Variants in MRPS35 observed in about 807,000 individuals in gnomAD.
MRPS35 encodes the protein mitochondrial ribosomal protein S35.
Under a neutral mutation model 32.7 loss-of-function variants are expected in MRPS35, and 29 were observed. The ratio of observed to expected loss-of-function variants is 0.89; its 90% CI spans 0.66 to 1.21. MRPS35 has a LOEUF of 1.21. Ranked by LOEUF, MRPS35 falls within the 50% of genes most tolerant of loss-of-function variation. MRPS35 has a pLI of 0.00. For missense variants in MRPS35, 373 were observed against 383.8 expected, an observed-to-expected ratio of 0.97 and a Z score of 0.23; for synonymous variants, 148 against 139.3, an observed-to-expected ratio of 1.06 and a Z score of -0.44.
intron 5 of MRPS35, among the ~76,000 whole-genome samples, chr12:27,731,962 T>C (rs867870473): frequency 2.6e-5 from 4 of 152,316 alleles, no homozygotes; most frequent in Middle Eastern, 6.8e-3. Flanking sequence ...AGTTCTTAGA[T>C]TGAAGCTGTT....
chr12:27,720,824 CCTT>C (rs1358260331), intron 4 of MRPS35, among the ~76,000 whole-genome samples: 30 of 152,144 alleles, frequency 2.0e-4, no homozygotes, highest in African/African-American at 5.3e-4. Flanking sequence ...TTCTCCTTCT[CCTT>C]CTTTCTACAT....
chr12:27,718,393 A>T (rs951046828), intron 3 of MRPS35, among the ~76,000 whole-genome samples: 2 of 152,168 alleles, frequency 1.3e-5, no homozygotes, highest in South Asian at 2.1e-4. Flanking sequence ...TGCCACTGCG[A>T]CAGAGCAAGA....
chr12:27,726,352 A>C (rs147550248), intron 5 of MRPS35, among the ~76,000 whole-genome samples: 64 of 152,182 alleles, frequency 4.2e-4, no homozygotes, highest in African/African-American at 1.5e-3. Flanking sequence ...ATTGCCAAAT[A>C]TTTTATTTTA....
intron 7 of MRPS35, among the ~76,000 whole-genome samples, chr12:27,739,473 GAA>G (rs1000265670): frequency 6.6e-6 from 1 of 152,124 alleles, no homozygotes; most frequent in African/African-American, 2.4e-5. Flanking sequence ...GAAAGTGAAA[GAA>G]AAAAACTTGG....
chr12:27,744,254 T>C (rs1471701654), intron 7 of MRPS35, among the ~76,000 whole-genome samples: 2 of 152,152 alleles, frequency 1.3e-5, no homozygotes, highest in African/African-American at 4.8e-5. Context: ...AGTTTGTACT[T>C]CAAACTATCT....
chr12:27,713,550 G>A (rs1201783102), intron 1 of MRPS35, among the ~76,000 whole-genome samples: 1 of 152,188 alleles, frequency 6.6e-6, no homozygotes, highest in Non-Finnish European at 1.5e-5. Flanking sequence ...TCCAAGGGCA[G>A]GGGAAGAGTG....
chr12:27,740,165 C>A (rs1163804148), intron 7 of MRPS35, among the ~76,000 whole-genome samples: 1 of 152,268 alleles, frequency 6.6e-6, no homozygotes, highest in East Asian at 1.9e-4. Context: ...GATGTTATCA[C>A]CGTTATTTAA....
chr12:27,752,909 T>C (rs1329577566), intron 7 of MRPS35: 1 of 152,206 alleles, frequency 6.6e-6, no homozygotes, highest in Non-Finnish European at 1.5e-5. Context: ...CTCAGTTGAT[T>C]GTTCACAGTC....
chr12:27,755,619 AT>A lies in MRPS35; in HGVS notation c.*174del. The A allele has an allele frequency of 1.9e-6, 1 of 525,754 alleles. No individual in the cohort carries two copies. The highest frequency in any genetic ancestry group is 2.0e-5 in the African/African-American group (1 of 50,234). 32.6% of individuals were successfully genotyped at this position (525,754 alleles called of 1,614,324 possible). A position where few individuals can be genotyped will look rare whatever the true frequency, so the allele number is the denominator to read the frequency against. ...GCAATGATTACTCCAGAGTTTTTTAATTTTTACACTGGGGCAATAGACTAGG... is the reference window on the plus strand; with the variant it reads ...GCAATGATTACTCCAGAGTTTTTTAATTTTACACTGGGGCAATAGACTAGG... On this transcript the variant is annotated 3_prime_UTR_variant, in exon 8 of 8. Coordinates refer to ENST00000081029, the MANE Select transcript of MRPS35 (RefSeq NM_021821.4).
Position 27,726,150 on chromosome 12 carries a change from C to G in MRPS35, c.522+1964C>G, listed in dbSNP as rs367559664. 5.3e-5 allele frequency among the ~76,000 whole-genome samples: 8 copies of G among 151,848 alleles called. No individual in the cohort carries two copies. In the South Asian group the frequency reaches 1.5e-3, roughly 28 times the overall value. ...ATAATGGCTTTATTGAGACATAGTT[C>G]ACTTGCTATAGAATTCCCCCCTTAA... On this transcript the variant is annotated intron_variant, in intron 5 of 7. Transcript: ENST00000081029.
At chr12:27,713,084 TTCTC>T (rs1266593466) in intron 1 of MRPS35, among the ~76,000 whole-genome samples, 2 of 152,230 alleles carry the variant, frequency 1.3e-5, no homozygotes, top group Non-Finnish European at 2.9e-5. Context: ...TCAGCCTCTT[TTCTC>T]TCTGTCTCTC....
intron 7 of MRPS35, among the ~76,000 whole-genome samples, chr12:27,753,909 GT>G (rs995166971): frequency 1.7e-4 from 26 of 152,174 alleles, no homozygotes; most frequent in African/African-American, 6.3e-4. Context: ...AAAACGAGTA[GT>G]AACAAAACAT....
intron 4 of MRPS35, among the ~76,000 whole-genome samples, 185 bp downstream of exon 4, chr12:27,720,053 C>T (rs2061867160): frequency 6.6e-6 from 1 of 152,084 alleles, no homozygotes; most frequent in South Asian, 2.1e-4. Flanking sequence ...AAACCATGAT[C>T]CTTGTTCACA....
At chr12:27,751,441 T>C (rs924216324) in intron 7 of MRPS35, among the ~76,000 whole-genome samples, 2 of 152,172 alleles carry the variant, frequency 1.3e-5, no homozygotes, top group Non-Finnish European at 2.9e-5. Context: ...AAGATAGTTT[T>C]ATTCAGCAGC....
Position 27,727,759 on chromosome 12 carries a change from C to T in MRPS35, c.522+3573C>T, listed in dbSNP as rs183504949. Among the ~76,000 whole-genome samples, 359 of 152,084 alleles carry T rather than the reference C, an allele frequency of 2.4e-3. 5 individuals are homozygous for T. The highest frequency in any genetic ancestry group is 7.9e-3 in the African/African-American group (326 of 41,440). The stretch of plus-strand genomic sequence containing the variant: ...TAGCTCTTACATTTAGATCTATGAC[C>T]TATTGTTTGTTAATTATCATACAGT... On this transcript the variant is annotated intron_variant, in intron 5 of 7. Coordinates refer to ENST00000081029, the MANE Select transcript of MRPS35 (RefSeq NM_021821.4).
chr12:27,724,716 C>G (rs2061892757), intron 5 of MRPS35, among the ~76,000 whole-genome samples: 1 of 151,922 alleles, frequency 6.6e-6, no homozygotes, highest in African/African-American at 2.4e-5. Context: ...GCACTCCAAC[C>G]TGGGTGACAG....
chr12:27,721,038 A>G lies in MRPS35; in HGVS notation c.382+1170A>G, dbSNP rs564574973. ...ATATTACATGCTCAGTATACTTACT[A>G]AGGCTTTTCAGGAAAGAATATGAAA... is the stretch of plus-strand genomic sequence containing the variant. On this transcript the variant is annotated intron_variant, in intron 4 of 7. Transcript: ENST00000081029. 5.9e-5 allele frequency among the ~76,000 whole-genome samples: 9 copies of G among 152,360 alleles called. No homozygotes were observed. In the South Asian group the frequency reaches 1.9e-3, roughly 32 times the overall value.
chr12:27,740,317 G>C (rs1428663658), intron 7 of MRPS35, among the ~76,000 whole-genome samples: 1 of 151,240 alleles, frequency 6.6e-6, no homozygotes, highest in Non-Finnish European at 1.5e-5. Flanking sequence ...GTCCAGGCTG[G>C]AGTGCAGTGG....
intron 7 of MRPS35, among the ~76,000 whole-genome samples, chr12:27,744,643 CT>C (rs1207524761): frequency 6.6e-6 from 1 of 152,154 alleles, no homozygotes. Flanking sequence ...TTATTTAGCA[CT>C]TTTTGCATAA....
Sources: gnomAD v4.1 joint callset for allele counts (sites outside exome capture counted in the v4.1 genomes callset) on GRCh38, gnomAD v4.1.1 for gene constraint, MANE v1.5 for transcripts, NCBI Gene and HGNC (gene_info 2026-07-23, HGNC 2026-07-21) for gene names.